Variants in IGDCC4 observed in about 807,000 individuals in gnomAD.
IGDCC4 encodes the protein likely ortholog of mouse neighbor of Punc E11.
Under a neutral mutation model 116.6 loss-of-function variants are expected in IGDCC4, and 72 were observed. The observed-to-expected ratio is 0.62, with a 90% CI of 0.51 to 0.75. The LOEUF (loss-of-function observed/expected upper bound fraction) is 0.75, where lower values mean the gene tolerates loss of function less well. Ranked by LOEUF, IGDCC4 falls within the 30% of genes least tolerant of loss-of-function variation. The pLI is 0.00. For synonymous variants in IGDCC4, 709 were observed against 719.9 expected (o/e 0.98, Z 0.24); for missense variants, 1,501 against 1,662.4 (o/e 0.90, Z 1.69).
intron 3 of IGDCC4, among the ~76,000 whole-genome samples, chr15:65,409,212 C>T (rs2063066882): frequency 6.6e-6 from 1 of 152,028 alleles, no homozygotes; most frequent in Non-Finnish European, 1.5e-5. Context: ...CGAAGTTTCT[C>T]CTACAACCCC....
At chr15:65,392,045 G>C (rs1328542078) in intron 11 of IGDCC4, 64 bp from the exon 12 acceptor site, 5 of 1,549,778 alleles carry the variant, frequency 3.2e-6, no homozygotes, top group Non-Finnish European at 3.5e-6. Context: ...CGTCCACAGA[G>C]AGCATCCCAT....
At chr15:65,413,815 C>T (rs1310758464) in intron 1 of IGDCC4, among the ~76,000 whole-genome samples, 6 of 152,190 alleles carry the variant, frequency 3.9e-5, no homozygotes, top group Non-Finnish European at 7.3e-5. Context: ...AAAACAATGG[C>T]GAGGGAATCA....
intron 2 of IGDCC4, 128 bp from the exon 3 acceptor site, chr15:65,410,447 C>G: frequency 1.9e-6 from 2 of 1,064,112 alleles, no homozygotes; most frequent in Admixed American, 4.3e-5. Context: ...CACAGCAGAG[C>G]CAATTCAGAC....
At chr15:65,386,472 C>T in intron 17 of IGDCC4, 79 bp downstream of exon 17, 1 of 1,260,866 alleles carries the variant, frequency 7.9e-7, no homozygotes, top group Non-Finnish European at 1.1e-6. Context: ...CAAGTCATGG[C>T]CACTTTCCCT....
chr15:65,410,577 C>T (rs901547463), intron 2 of IGDCC4: 1 of 537,230 alleles, frequency 1.9e-6, no homozygotes, highest in Non-Finnish European at 3.3e-6. Flanking sequence ...ATGCACACTT[C>T]TTCTGGCCTG....
chr15:65,414,620 T>C (rs896582091), intron 1 of IGDCC4, among the ~76,000 whole-genome samples: 3 of 152,192 alleles, frequency 2.0e-5, no homozygotes, highest in Non-Finnish European at 4.4e-5. Flanking sequence ...CTAATAGACA[T>C]CACTCAAGGA....
At chr15:65,392,007 G>C (rs199544734) in intron 11 of IGDCC4, 26 bp from the exon 12 acceptor site, 2 of 1,586,038 alleles carry the variant, frequency 1.3e-6, no homozygotes, top group South Asian at 2.3e-5. Flanking sequence ...GGGCTTAATG[G>C]CTAGGGGGAC....
intron 5 of IGDCC4, among the ~76,000 whole-genome samples, chr15:65,398,853 G>A (rs2062955564): frequency 6.6e-6 from 1 of 152,204 alleles, no homozygotes; most frequent in Non-Finnish European, 1.5e-5. Flanking sequence ...TCGCGCCACT[G>A]CACTCCAGCC....
chr15:65,417,465 A>G (rs1245541710), intron 1 of IGDCC4, among the ~76,000 whole-genome samples: 1 of 152,106 alleles, frequency 6.6e-6, no homozygotes, highest in African/African-American at 2.4e-5. Context: ...CTGAAAACAC[A>G]TCTTGTTCCA....
At position 65,410,282 on chromosome 15, in the gene IGDCC4, C is replaced by T. The variant is rs776930926; in HGVS notation, c.459G>A (p.Thr153=). 10 of 1,614,082 alleles carry T rather than the reference C, an allele frequency of 6.2e-6. No individual in the cohort carries two copies. The highest frequency in any genetic ancestry group is 5.5e-5 in the South Asian group (5 of 91,088). ...AGCGAGCTGTCCCGTTCTCCTCCAC[C>T]GTCTGAGACTCCGGGTGCAGAGAGA... ...ADFSLHPESQ[T]VEENGTARFE... Residue 153 remains threonine (T), a synonymous_variant, in exon 3 of 20, where the codon ACG becomes ACA. Transcript: ENST00000352385.
Position 65,391,738 on chromosome 15 carries a change from T to C in IGDCC4, c.2224+142A>G, listed in dbSNP as rs1286221773. The stretch of plus-strand genomic sequence containing the variant: ...CTCTCTGGAGCTAAAAGAGGACCCC[T>C]GATCCTAGGAGAATGGGTTTGGGCA... On this transcript the variant is annotated intron_variant, in intron 12 of 19. Transcript: ENST00000352385. The C allele has an allele frequency of 4.2e-6, 3 of 707,050 alleles. No homozygotes were observed. In the Admixed American group the frequency reaches 7.3e-5, roughly 17 times the overall value. 43.8% of individuals were successfully genotyped at this position (707,050 alleles called of 1,614,324 possible).
chr15:65,388,324 T>C (rs2091480488), intron 16 of IGDCC4, 125 bp downstream of exon 16: 2 of 1,289,384 alleles, frequency 1.6e-6, no homozygotes, highest in South Asian at 2.6e-5. Flanking sequence ...TATTTCCCCT[T>C]CACATTTGCT....
rs1312049825 is a variant in IGDCC4, at chr15:65,396,098, C to A, written c.1063G>T (p.Val355Leu). Reference protein sequence around the residue: ...SRTRASTARFVCRASGEPRPA... With the variant: ...SRTRASTARFLCRASGEPRPA... ...CGCGGCTCCCCCGACGCGCGGCACA[C>A]GAAGCGCGCTGTGCTCGCCCGCGTC... The change falls in exon 7 of 20, where the codon GTG becomes TTG. Residue 355 changes from valine to leucine, a missense_variant. Coordinates refer to ENST00000352385, the MANE Select transcript of IGDCC4 (RefSeq NM_020962.3). 4 of 1,397,634 alleles carry A rather than the reference C, an allele frequency of 2.9e-6. No homozygotes were observed. The highest frequency in any genetic ancestry group is 3.7e-6 in the Non-Finnish European group (4 of 1,083,898). The allele number at this position is 1,397,634 out of a possible 1,614,324, so 86.6% of individuals were successfully genotyped here.
intron 4 of IGDCC4, among the ~76,000 whole-genome samples, chr15:65,401,183 G>C (rs1446638078): frequency 6.6e-6 from 1 of 152,156 alleles, no homozygotes; most frequent in Non-Finnish European, 1.5e-5. Context: ...GAAATGATTA[G>C]ACAGACCCAC....
chr15:65,391,157 G>A (rs1054628606), intron 12 of IGDCC4, among the ~76,000 whole-genome samples: 1 of 152,182 alleles, frequency 6.6e-6, no homozygotes, highest in African/African-American at 2.4e-5. Context: ...TTGAACCCAG[G>A]AGGCAGAGGT....
In IGDCC4 at chr15:65,407,408, T is replaced by C. The variant is rs914610269; in HGVS notation, c.563+2770A>G. Among the ~76,000 whole-genome samples the C allele has an allele frequency of 4.6e-5, 7 of 152,162 alleles. No individual in the cohort carries two copies. In the South Asian group the frequency reaches 1.4e-3, roughly 32 times the overall value. On this transcript the variant is annotated intron_variant, in intron 3 of 19. Coordinates refer to ENST00000352385, the MANE Select transcript of IGDCC4 (RefSeq NM_020962.3). ...CCCAGGCTGGAGTGCAATGGTGTGA[T>C]CTTGGCTTACTGCAACCTCTACCTT...
In IGDCC4 at chr15:65,389,265, G is replaced by A. The variant is rs2091490134; in HGVS notation, c.2536+19C>T. ...TGGGCAAAAGATGGGTTGGTGGCAA[G>A]GGGCTGGGAGCCACTCACGGTCAGG... On this transcript the variant is annotated intron_variant, in intron 14 of 19. Coordinates refer to ENST00000352385, the MANE Select transcript of IGDCC4 (RefSeq NM_020962.3). 1 of 1,606,276 alleles carries A rather than the reference G, an allele frequency of 6.2e-7. No individual in the cohort carries two copies. Among genetic ancestry groups the A allele is most frequent in the Non-Finnish European group, 8.5e-7 (1 of 1,176,496 alleles).
intron 1 of IGDCC4, among the ~76,000 whole-genome samples, chr15:65,416,616 AC>A (rs1404760273): frequency 6.6e-5 from 10 of 151,798 alleles, no homozygotes; most frequent in Non-Finnish European, 1.2e-4. Flanking sequence ...GTCATGGCTG[AC>A]CCCCAACATT....
chr15:65,406,270 A>G (rs1265151542), intron 3 of IGDCC4, among the ~76,000 whole-genome samples: 2 of 152,242 alleles, frequency 1.3e-5, no homozygotes, highest in Non-Finnish European at 2.9e-5. Flanking sequence ...TCCCTTTTAA[A>G]ATGTGTTCAA....
Sources: gnomAD v4.1 joint callset for allele counts (sites outside exome capture counted in the v4.1 genomes callset) on GRCh38, gnomAD v4.1.1 for gene constraint, MANE v1.5 for transcripts, NCBI Gene and HGNC (gene_info 2026-07-23, HGNC 2026-07-21) for gene names.